Variants in SYT16 observed in about 807,000 individuals in gnomAD.
SYT16 encodes the protein synaptotagmin 16.
In SYT16, 42 loss-of-function variants were observed where a neutral mutation model predicts 61.4. That is an observed-to-expected ratio of 0.68 (90% CI 0.53 to 0.89). SYT16 has a LOEUF of 0.89. Ranked by LOEUF, SYT16 falls within the 40% of genes least tolerant of loss-of-function variation. The pLI is 0.00. For missense variants in SYT16, 804 were observed against 807.3 expected (o/e 1.00, Z 0.05); for synonymous variants, 314 against 302.3 (o/e 1.04, Z -0.40).
chr14:61,858,636 G>A (rs2046857980), intron 1 of SYT16, among the ~76,000 whole-genome samples: 1 of 152,046 alleles, frequency 6.6e-6, no homozygotes, highest in African/African-American at 2.4e-5. Flanking sequence ...GTCGCACCAA[G>A]GAAATTAAAC....
intron 1 of SYT16, among the ~76,000 whole-genome samples, chr14:61,961,462 A>G (rs1391935136): frequency 6.6e-6 from 1 of 152,226 alleles, no homozygotes; most frequent in Non-Finnish European, 1.5e-5. Context: ...GGCAAAGTAC[A>G]TGAACAGACA....
chr14:62,087,525 G>A (rs956687247), intron 7 of SYT16, among the ~76,000 whole-genome samples: 2 of 152,244 alleles, frequency 1.3e-5, no homozygotes, highest in Admixed American at 6.5e-5. Flanking sequence ...AGGGAAGTGT[G>A]AAGGAAAATA....
chr14:62,098,956 A>T (rs2057348167), intron 7 of SYT16, among the ~76,000 whole-genome samples: 1 of 152,172 alleles, frequency 6.6e-6, no homozygotes, highest in South Asian at 2.1e-4. Context: ...ATTAGTGGGG[A>T]TGTCAGAGCA....
Position 61,906,787 on chromosome 14 carries a change from G to GTCCATCCATCCATCCATCCATCCA in SYT16, c.-324-63325_-324-63302dup, listed in dbSNP as rs60022651. ...CGTCAATCCATCCATCCGTCCGTCC[G>GTCCATCCATCCATCCATCCATCCA]TCCATCCATCCATCCATCCATCCAT... On this transcript the variant is annotated intron_variant, in intron 1 of 7. Coordinates refer to ENST00000683842, the MANE Select transcript of SYT16 (RefSeq NM_001367656.1). Among the ~76,000 whole-genome samples, 99 of 142,424 alleles carry GTCCATCCATCCATCCATCCATCCA rather than the reference G, an allele frequency of 7.0e-4. 1 individual carries two copies. The highest frequency in any genetic ancestry group is 2.6e-3 in the African/African-American group (97 of 36,948). 93.4% of individuals were successfully genotyped at this position (142,424 alleles called of 152,430 possible).
chr14:61,990,775 C>G (rs953519816), intron 2 of SYT16, among the ~76,000 whole-genome samples: 1 of 152,108 alleles, frequency 6.6e-6, no homozygotes, highest in African/African-American at 2.4e-5. Flanking sequence ...AACTAACAAC[C>G]CTTAAAGGAC....
chr14:61,914,512 T>C lies in SYT16; in HGVS notation c.-324-55620T>C, dbSNP rs139585012. ...CAGTAGGCCTCTCTAATTGAGCATG[T>C]TCAGGACAGACTCCCTACCATCAGA... On this transcript the variant is annotated intron_variant, in intron 1 of 7. Transcript: ENST00000683842. Among the ~76,000 whole-genome samples, 817 of 152,302 alleles carry C rather than the reference T, an allele frequency of 5.4e-3. 5 individuals are homozygous for C. Among genetic ancestry groups the C allele is most frequent in the African/African-American group, 0.014 (594 of 41,560 alleles).
rs1187324664 is a variant in SYT16, at chr14:61,858,839, TTTTTCTTTTC to T, written c.-325+46044_-325+46053del. Among the ~76,000 whole-genome samples, 10 of 150,640 alleles carry T rather than the reference TTTTTCTTTTC, an allele frequency of 6.6e-5. 1 individual carries two copies. The highest frequency in any genetic ancestry group is 1.2e-4 in the African/African-American group (5 of 40,658). On this transcript the variant is annotated intron_variant, in intron 1 of 7. Transcript: ENST00000683842. ...GAAAAGCAGCCCCAAATCATTTTCT[TTTTTCTTTTC>T]TTTTCTTTTCTTTTTTTTTTTTTGA... is the stretch of plus-strand genomic sequence containing the variant.
intron 1 of SYT16, among the ~76,000 whole-genome samples, chr14:61,871,921 T>G (rs942320380): frequency 2.6e-5 from 4 of 152,218 alleles, no homozygotes; most frequent in Admixed American, 6.5e-5. Context: ...TTATTATCAC[T>G]GTTCCATTTT....
intron 1 of SYT16, among the ~76,000 whole-genome samples, chr14:61,914,932 A>G (rs1417208060): frequency 8.5e-5 from 13 of 152,086 alleles, no homozygotes; most frequent in Admixed American, 2.6e-4. Context: ...ATCAGATCCA[A>G]ACTCTTACCA....
At position 61,889,588 on chromosome 14, in the gene SYT16, C is replaced by CG. The variant is rs1566655411; in HGVS notation, c.-325+76778_-325+76779insG. On this transcript the variant is annotated intron_variant, in intron 1 of 7. Transcript: ENST00000683842. ...GTACTTCCCTCTGCTCGCTCTTGCT[C>CG]CCTCTCTCTCTCTCTCTGTCTCCCT... Among the ~76,000 whole-genome samples the CG allele has an allele frequency of 1.4e-3, 206 of 147,970 alleles. 2 individuals are homozygous for CG. Among genetic ancestry groups the CG allele is most frequent in the Non-Finnish European group, 1.7e-3 (115 of 66,450 alleles).
At chr14:62,007,320 T>A (rs563642251) in intron 3 of SYT16, among the ~76,000 whole-genome samples, 8 of 152,288 alleles carry the variant, frequency 5.3e-5, no homozygotes, top group African/African-American at 1.9e-4. Context: ...CCTAGTTAAA[T>A]TTATCTTCAT....
chr14:62,063,363 T>C (rs2055913641), intron 3 of SYT16, among the ~76,000 whole-genome samples: 1 of 152,190 alleles, frequency 6.6e-6, no homozygotes, highest in African/African-American at 2.4e-5. Flanking sequence ...AATATAACAA[T>C]AGTAGTTAAA....
rs2057496718 is a variant in SYT16, at chr14:62,105,478, A to T, written c.*4771A>T. On this transcript the variant is annotated 3_prime_UTR_variant, in exon 8 of 8. Coordinates refer to ENST00000683842, the MANE Select transcript of SYT16 (RefSeq NM_001367656.1). Reference sequence around the variant, plus strand: ...CCAAACATTTTAAAATACTCTAATAACACAGCTCTCAAAACGTATCTGTTT... The same window carrying T: ...CCAAACATTTTAAAATACTCTAATATCACAGCTCTCAAAACGTATCTGTTT... The T allele has an allele frequency of 6.6e-6, 1 of 152,190 alleles. No homozygotes were observed. The highest frequency in any genetic ancestry group is 6.5e-5 in the Admixed American group (1 of 15,280). 9.4% of individuals were successfully genotyped at this position (152,190 alleles called of 1,614,324 possible). A position where few individuals can be genotyped will look rare whatever the true frequency, so the allele number is the denominator to read the frequency against.
rs2056696488 is a variant in SYT16 at position 62,081,236 on chromosome 14, A to G, written c.1396A>G (p.Lys466Glu). The part of the protein sequence containing the change: ...LSHLHPEGEM[K>E]VTLVLEPRSN... ...CCACCTGCACCCAGAAGGGGAAATG[A>G]AAGTGACTCTGGTTCTGGAGCCAAG... Residue 466 changes from lysine (K) to glutamate (E), a missense_variant, in exon 6 of 8, where the codon AAA (lysine) becomes GAA (glutamate). Lys to Glu is a moderately conservative substitution (Grantham distance 56). Transcript: ENST00000683842. 2.5e-6 allele frequency: 4 copies of G among 1,613,858 alleles called. No homozygotes were observed. Among genetic ancestry groups the G allele is most frequent in the African/African-American group, 1.3e-5 (1 of 74,934 alleles).
At chr14:61,919,197 G>C (rs1388397412) in intron 1 of SYT16, among the ~76,000 whole-genome samples, 1 of 152,194 alleles carries the variant, frequency 6.6e-6, no homozygotes, top group Admixed American at 6.5e-5. Context: ...CAGGTAAACA[G>C]TAGCCACTGT....
rs995294233 is a variant in SYT16, at chr14:61,940,241, A to AT, written c.-324-29880dup. On this transcript the variant is annotated intron_variant, in intron 1 of 7. Coordinates refer to ENST00000683842, the MANE Select transcript of SYT16 (RefSeq NM_001367656.1). ...TTGAGGTGACATTCCTTTTATTTCT[A>AT]TTTTTTTTTTTCTGTTTCCATCTAC... 4.0e-3 allele frequency among the ~76,000 whole-genome samples: 571 copies of AT among 142,582 alleles called. 3 individuals carry two copies. The highest frequency in any genetic ancestry group is 0.012 in the African/African-American group (459 of 38,910). 93.5% of individuals were successfully genotyped at this position (142,582 alleles called of 152,430 possible).
At chr14:61,972,642 G>T (rs2051610767) in intron 2 of SYT16, among the ~76,000 whole-genome samples, 1 of 152,094 alleles carries the variant, frequency 6.6e-6, no homozygotes. Flanking sequence ...ACCCCATATT[G>T]TGTCTAACCT....
chr14:61,944,887 T>C (rs2050358760), intron 1 of SYT16, among the ~76,000 whole-genome samples: 2 of 151,880 alleles, frequency 1.3e-5, no homozygotes, highest in South Asian at 4.2e-4. Context: ...AATAAACAAA[T>C]GGGATTAATT....
intron 1 of SYT16, among the ~76,000 whole-genome samples, chr14:61,898,075 T>A (rs2048386014): frequency 6.6e-6 from 1 of 152,160 alleles, no homozygotes; most frequent in Non-Finnish European, 1.5e-5. Context: ...TCCCTAACCA[T>A]CCCTAGCGCC....
Sources: gnomAD v4.1 joint callset for allele counts (sites outside exome capture counted in the v4.1 genomes callset) on GRCh38, gnomAD v4.1.1 for gene constraint, MANE v1.5 for transcripts, NCBI Gene and HGNC (gene_info 2026-07-23, HGNC 2026-07-21) for gene names.